LGSN: variants seen among roughly 807,000 people sequenced by gnomAD.
The protein encoded by LGSN is lengsin, lens protein with glutamine synthetase domain, also known as lengsin.
Under a neutral mutation model 19.5 loss-of-function variants are expected in LGSN, and 21 were observed. That is an observed-to-expected ratio of 1.07 (90% CI 0.76 to 1.55). The LOEUF is 1.55. Ranked by LOEUF, LGSN falls within the 40% of genes most tolerant of loss-of-function variation. The probability of loss-of-function intolerance (pLI) is 0.00; values close to 1 mark genes in which losing one functional copy is unlikely to be tolerated. For missense variants in LGSN, 673 were observed against 608.5 expected, an observed-to-expected ratio of 1.11 and a Z score of -1.12; for synonymous variants, 257 against 215.6, an observed-to-expected ratio of 1.19 and a Z score of -1.68.
chr6:63,362,655 A>G, the LGSN span, among the ~76,000 whole-genome samples: 1 of 152,150 alleles, frequency 6.6e-6, no homozygotes, highest in East Asian at 1.9e-4. Flanking sequence ...GGGGAGGGGT[A>G]TCCACCATTG....
the LGSN span, among the ~76,000 whole-genome samples, chr6:63,368,441 A>T: frequency 6.6e-6 from 1 of 152,062 alleles, no homozygotes. Context: ...TCCTGTTGGG[A>T]TTCCCAGAGA....
At position 63,317,338 on chromosome 6, in the gene LGSN, A is replaced by G. The variant is rs151101488; in HGVS notation, c.30+2576T>C. On this transcript the variant is annotated intron_variant, in intron 1 of 3. Transcript: ENST00000370657. ...CCAGTGAGGTACAGAGAAGTCCAAT[A>G]CTTTGCCCCATGTCACACAGCTAGT... is the stretch of plus-strand genomic sequence containing the variant. Among the ~76,000 whole-genome samples, 200 of 152,302 alleles carry G rather than the reference A, an allele frequency of 1.3e-3. 1 individual carries two copies. In the Middle Eastern group the frequency reaches 0.02, roughly 16 times the overall value.
chr6:63,458,092 A>G, the LGSN span, among the ~76,000 whole-genome samples: 1 of 151,382 alleles, frequency 6.6e-6, no homozygotes, highest in African/African-American at 2.4e-5. Flanking sequence ...TTTTAGACAG[A>G]GTTTCCCTCT....
chr6:63,326,556 G>T, the LGSN span, among the ~76,000 whole-genome samples: 1 of 152,210 alleles, frequency 6.6e-6, no homozygotes, highest in Non-Finnish European at 1.5e-5. Flanking sequence ...GAGGTGGGAG[G>T]CTCAGGCATG....
chr6:63,532,175 T>G, the LGSN span, among the ~76,000 whole-genome samples: 1 of 152,212 alleles, frequency 6.6e-6, no homozygotes, highest in Non-Finnish European at 1.5e-5. Context: ...AAATAACAAT[T>G]CAATCTTTCC....
At chr6:63,300,783 G>A (rs1768150859) in intron 1 of LGSN, among the ~76,000 whole-genome samples, 1 of 152,050 alleles carries the variant, frequency 6.6e-6, no homozygotes. Flanking sequence ...TTATGCCTTA[G>A]CATCTTATTT....
At chr6:63,293,120 C>A (rs1767840793) in intron 2 of LGSN, among the ~76,000 whole-genome samples, 1 of 152,132 alleles carries the variant, frequency 6.6e-6, no homozygotes, top group African/African-American at 2.4e-5. Context: ...CCACCTCATT[C>A]CCCTGAGTAG....
intron 2 of LGSN, among the ~76,000 whole-genome samples, chr6:63,292,182 A>G (rs895543102): frequency 6.6e-6 from 1 of 152,226 alleles, no homozygotes; most frequent in Admixed American, 6.5e-5. Flanking sequence ...TCTCTAGATA[A>G]GAAACCAGAT....
the LGSN span, among the ~76,000 whole-genome samples, chr6:63,469,353 G>A: frequency 5.3e-5 from 8 of 152,244 alleles, no homozygotes; most frequent in Admixed American, 4.6e-4. Flanking sequence ...AATCAGGCAG[G>A]AAATGTTCTG....
chr6:63,468,488 C>T, the LGSN span, among the ~76,000 whole-genome samples: 55 of 152,060 alleles, frequency 3.6e-4, no homozygotes, highest in Middle Eastern at 3.4e-3. Flanking sequence ...AATGCAGTGG[C>T]GAGCTCTCAG....
At chr6:63,308,834 T>C (rs985855760) in intron 1 of LGSN, among the ~76,000 whole-genome samples, 2 of 152,182 alleles carry the variant, frequency 1.3e-5, no homozygotes, top group African/African-American at 4.8e-5. Flanking sequence ...GGAAAGAATG[T>C]GCCTTCAGTT....
the LGSN span, among the ~76,000 whole-genome samples, chr6:63,406,125 G>C: frequency 3.3e-5 from 5 of 152,136 alleles, no homozygotes; most frequent in Non-Finnish European, 7.3e-5. Flanking sequence ...CAACAAGGCA[G>C]AAAGTTAACA....
the LGSN span, among the ~76,000 whole-genome samples, chr6:63,519,057 G>A: frequency 6.6e-6 from 1 of 152,194 alleles, no homozygotes; most frequent in Admixed American, 6.5e-5. Flanking sequence ...GCTCACGCCT[G>A]TAATCCCAAC....
chr6:63,545,697 A>C, the LGSN span, among the ~76,000 whole-genome samples: 1 of 152,224 alleles, frequency 6.6e-6, no homozygotes, highest in Non-Finnish European at 1.5e-5. Flanking sequence ...TTTCTCAATA[A>C]GGCCTGTTTC....
rs770808111 is a variant in LGSN, at chr6:63,280,663, A to G, written c.888T>C (p.Tyr296=). The G allele has an allele frequency of 8.1e-6, 13 of 1,614,006 alleles. 1 individual carries two copies. The South Asian group carries it at 1.3e-4, about 16-fold the overall frequency. Residue 296 remains tyrosine (Y), a synonymous_variant, in exon 4 of 4, where the codon TAT becomes TAC. Transcript: ENST00000370657. The part of the protein sequence containing the change: ...RTGVKEVARK[Y]NYIASFFIET... ...CAATGAAGAAGCTGGCAATGTAATTATATTTCCTTGCCACTTCTTTGACAC... is the reference window on the plus strand; with the variant it reads ...CAATGAAGAAGCTGGCAATGTAATTGTATTTCCTTGCCACTTCTTTGACAC...
At chr6:63,332,552 C>G in the LGSN span, among the ~76,000 whole-genome samples, 1 of 152,136 alleles carries the variant, frequency 6.6e-6, no homozygotes, top group African/African-American at 2.4e-5. Context: ...CTAGGCAAAT[C>G]AACGGTCCCA....
the LGSN span, among the ~76,000 whole-genome samples, chr6:63,541,828 T>G: frequency 6.6e-6 from 1 of 152,192 alleles, no homozygotes; most frequent in African/African-American, 2.4e-5. Context: ...CCTTAATGGC[T>G]TCACCCCTGT....
chr6:63,564,320 A>G, the LGSN span, among the ~76,000 whole-genome samples: 1 of 151,882 alleles, frequency 6.6e-6, no homozygotes, highest in Admixed American at 6.6e-5. Flanking sequence ...TTCTATACTC[A>G]TTTTCTCTTA....
At chr6:63,393,472 CCTGGCCCAT>C in the LGSN span, among the ~76,000 whole-genome samples, 1 of 151,994 alleles carries the variant, frequency 6.6e-6, no homozygotes, top group African/African-American at 2.4e-5. Context: ...AGCCACCGCG[CCTGGCCCAT>C]CTTCCCTTCT....
Sources: gnomAD v4.1 joint callset for allele counts (sites outside exome capture counted in the v4.1 genomes callset) on GRCh38, gnomAD v4.1.1 for gene constraint, MANE v1.5 for transcripts, NCBI Gene and HGNC (gene_info 2026-07-23, HGNC 2026-07-21) for gene names.